TMEM178B: variants seen among roughly 807,000 people sequenced by gnomAD.
The protein encoded by TMEM178B is transmembrane protein 178B.
A neutral mutation model predicts 31.0 loss-of-function variants in TMEM178B; 5 were observed. The ratio of observed to expected loss-of-function variants is 0.16; its 90% CI spans 0.08 to 0.34. TMEM178B has a LOEUF of 0.34. Ranked by LOEUF, TMEM178B falls within the 10% of genes least tolerant of loss-of-function variation. The pLI, the probability that TMEM178B is intolerant of heterozygous loss-of-function variation, is 1.00. For synonymous variants in TMEM178B, 164 were observed against 164.0 expected (o/e 1.00, Z 0.00); for missense variants, 275 against 400.3 (o/e 0.69, Z 2.67).
intron 1 of TMEM178B, among the ~76,000 whole-genome samples, chr7:141,187,765 C>T (rs1000480801): frequency 9.2e-5 from 14 of 152,188 alleles, no homozygotes; most frequent in African/African-American, 3.4e-4. Flanking sequence ...TGTTTATATC[C>T]TTCGCCCACT....
chr7:141,091,129 T>C (rs973599699), intron 1 of TMEM178B, among the ~76,000 whole-genome samples: 6 of 152,208 alleles, frequency 3.9e-5, no homozygotes, highest in Admixed American at 2.6e-4. Context: ...TTAATTATGC[T>C]AGGTTAAGCT....
intron 2 of TMEM178B, among the ~76,000 whole-genome samples, chr7:141,368,801 G>A (rs1352327282): frequency 6.6e-6 from 1 of 152,202 alleles, no homozygotes; most frequent in Admixed American, 6.5e-5. Flanking sequence ...AATTTCCAAT[G>A]GTATGAAAAC....
intron 1 of TMEM178B, among the ~76,000 whole-genome samples, chr7:141,153,824 T>G (rs762646782): frequency 5.9e-5 from 9 of 152,254 alleles, no homozygotes; most frequent in East Asian, 1.9e-4. Flanking sequence ...ATGTTACAGA[T>G]ATTTTTCCAT....
At chr7:141,188,082 C>T (rs1395951021) in intron 1 of TMEM178B, among the ~76,000 whole-genome samples, 1 of 152,144 alleles carries the variant, frequency 6.6e-6, no homozygotes, top group African/African-American at 2.4e-5. Context: ...TTAGGTCTAA[C>T]ATTTAAGTCT....
At chr7:141,321,008 G>T (rs988830661) in intron 2 of TMEM178B, among the ~76,000 whole-genome samples, 2 of 152,180 alleles carry the variant, frequency 1.3e-5, no homozygotes, top group African/African-American at 4.8e-5. Flanking sequence ...TACTCTTTAA[G>T]AGTCCATTGT....
intron 2 of TMEM178B, among the ~76,000 whole-genome samples, chr7:141,364,182 TA>T (rs1799964318): frequency 2.6e-5 from 4 of 152,334 alleles, no homozygotes; most frequent in Admixed American, 2.6e-4. Context: ...GTCCTATGAC[TA>T]ACTCCTTCAA....
In TMEM178B at chr7:141,315,687, A is replaced by G. The variant is rs552477004; in HGVS notation, c.496+102983A>G. On this transcript the variant is annotated intron_variant, in intron 2 of 3. Coordinates refer to ENST00000565468, the MANE Select transcript of TMEM178B (RefSeq NM_001195278.2). The stretch of plus-strand genomic sequence containing the variant: ...CATGTTTTAAGGCCCTGACGTGATT[A>G]TAAGCTCTTGAAGGCAAGAGCCTTC... Among the ~76,000 whole-genome samples, 5 of 152,230 alleles carry G rather than the reference A, an allele frequency of 3.3e-5. No individual in the cohort carries two copies. In the South Asian group the frequency reaches 1.0e-3, roughly 32 times the overall value.
intron 1 of TMEM178B, among the ~76,000 whole-genome samples, chr7:141,209,598 C>T (rs1043080998): frequency 2.0e-5 from 3 of 152,138 alleles, no homozygotes; most frequent in African/African-American, 7.2e-5. Flanking sequence ...AGACAACATC[C>T]CTGCCCTTGA....
At chr7:141,113,079 A>G (rs1344289999) in intron 1 of TMEM178B, among the ~76,000 whole-genome samples, 1 of 152,256 alleles carries the variant, frequency 6.6e-6, no homozygotes, top group East Asian at 1.9e-4. Flanking sequence ...CAGAGACAGC[A>G]GGAACAGTTG....
intron 3 of TMEM178B, among the ~76,000 whole-genome samples, chr7:141,462,114 G>C (rs575558189): frequency 6.6e-6 from 1 of 152,256 alleles, no homozygotes; most frequent in South Asian, 2.1e-4. Context: ...GTAGAAAGCG[G>C]GACTGTGAGG....
chr7:141,287,722 C>A (rs969301751), intron 2 of TMEM178B, among the ~76,000 whole-genome samples: 1 of 152,206 alleles, frequency 6.6e-6, no homozygotes, highest in Non-Finnish European at 1.5e-5. Context: ...GACCTGTGAG[C>A]CCCACCTTCA....
At chr7:141,207,298 T>C (rs1796982364) in intron 1 of TMEM178B, among the ~76,000 whole-genome samples, 1 of 152,184 alleles carries the variant, frequency 6.6e-6, no homozygotes, top group Non-Finnish European at 1.5e-5. Flanking sequence ...TGATTTCAAT[T>C]GTTTTGGATA....
chr7:141,436,494 T>C (rs1801543094), intron 2 of TMEM178B, among the ~76,000 whole-genome samples: 1 of 151,938 alleles, frequency 6.6e-6, no homozygotes, highest in African/African-American at 2.4e-5. Context: ...CAGGCTCAGA[T>C]GTGGATGGGT....
intron 2 of TMEM178B, among the ~76,000 whole-genome samples, chr7:141,300,801 C>T (rs1273545491): frequency 1.3e-5 from 2 of 152,188 alleles, no homozygotes; most frequent in Non-Finnish European, 2.9e-5. Flanking sequence ...CTTCCCGTTG[C>T]CAGACCCCAT....
intron 2 of TMEM178B, among the ~76,000 whole-genome samples, chr7:141,258,618 A>ATTATTTC (rs1456804728): frequency 4.6e-5 from 7 of 152,076 alleles, no homozygotes; most frequent in African/African-American, 1.7e-4. Flanking sequence ...GGCTTCCTTT[A>ATTATTTC]TTATTTCTTG....
At chr7:141,448,317 C>G (rs1013010180) in intron 3 of TMEM178B, among the ~76,000 whole-genome samples, 1 of 151,986 alleles carries the variant, frequency 6.6e-6, no homozygotes, top group African/African-American at 2.4e-5. Flanking sequence ...TGATTTAAAG[C>G]CATTATTTCA....
intron 1 of TMEM178B, among the ~76,000 whole-genome samples, chr7:141,177,487 C>G (rs1338943439): frequency 6.6e-6 from 1 of 152,116 alleles, no homozygotes; most frequent in Non-Finnish European, 1.5e-5. Context: ...GAGTTCAAGT[C>G]CTGGATATCC....
At chr7:141,133,690 T>C (rs927294464) in intron 1 of TMEM178B, among the ~76,000 whole-genome samples, 4 of 152,162 alleles carry the variant, frequency 2.6e-5, no homozygotes, top group Admixed American at 2.6e-4. Flanking sequence ...CTGAAAACTT[T>C]CCAAGTCTTG....
chr7:141,139,242 T>C (rs984348473), intron 1 of TMEM178B, among the ~76,000 whole-genome samples: 2 of 152,224 alleles, frequency 1.3e-5, no homozygotes, highest in Non-Finnish European at 2.9e-5. Context: ...CAAAGATGAG[T>C]TTGGTTTCAC....
Sources: gnomAD v4.1 joint callset for allele counts (sites outside exome capture counted in the v4.1 genomes callset) on GRCh38, gnomAD v4.1.1 for gene constraint, MANE v1.5 for transcripts, NCBI Gene and HGNC (gene_info 2026-07-23, HGNC 2026-07-21) for gene names.